The following STAC variants were observed in gnomAD, a reference collection of about 807,000 sequenced individuals.
STAC encodes SH3 and cysteine rich domain.
STAC carries 43 observed loss-of-function variants against 48.8 expected under a neutral mutation model. That is an observed-to-expected ratio of 0.88 (90% confidence interval 0.69 to 1.14). STAC has a LOEUF of 1.14. STAC is among the 50% of genes most tolerant of loss of function. The pLI is 0.00. For synonymous variants in STAC, 193 were observed against 179.5 expected, an observed-to-expected ratio of 1.07 and a Z score of -0.60; for missense variants, 497 against 504.0, an observed-to-expected ratio of 0.99 and a Z score of 0.13.
intron 5 of STAC, 127 bp downstream of exon 5, chr3:36,486,376 T>C (rs1697816966): frequency 1.4e-6 from 1 of 733,148 alleles, no homozygotes; most frequent in Non-Finnish European, 2.2e-6. Flanking sequence ...GTCAGGCACC[T>C]GCCAAAGAGA....
Position 36,504,447 on chromosome 3 carries a change from T to C in STAC, c.821T>C (p.Ile274Thr). ...GATTTCAGAGATCCAGCGAAGAACA[T>C]AAACCACCAGGTATTTATGGATGTC... ...TDDFRDPAKNINHQGSLSKDP... is the reference protein window; with the variant it reads ...TDDFRDPAKNTNHQGSLSKDP... Residue 274 changes from isoleucine to threonine, a missense_variant, in exon 7 of 11, where the codon ATA (isoleucine) becomes ACA (threonine). Physicochemically the swap from Ile to Thr is moderately conservative, Grantham distance 89. Coordinates refer to ENST00000273183, the MANE Select transcript of STAC (RefSeq NM_003149.3). 1.9e-6 allele frequency: 3 copies of C among 1,613,516 alleles called. No individual in the cohort carries two copies. Among genetic ancestry groups the C allele is most frequent in the Middle Eastern group, 1.7e-4 (1 of 6,052 alleles).
intron 4 of STAC, among the ~76,000 whole-genome samples, chr3:36,485,518 G>T (rs1237841587): frequency 6.6e-6 from 1 of 152,202 alleles, no homozygotes; most frequent in African/African-American, 2.4e-5. Context: ...TAGGAGCTCA[G>T]TGAATATATT....
intron 2 of STAC, among the ~76,000 whole-genome samples, chr3:36,446,390 G>C (rs1475699420): frequency 6.6e-6 from 1 of 152,192 alleles, no homozygotes; most frequent in East Asian, 1.9e-4. Flanking sequence ...CTGAGTCTTA[G>C]TCTAAGAGAC....
At chr3:36,494,226 T>G (rs925552371) in intron 6 of STAC, among the ~76,000 whole-genome samples, 4 of 151,880 alleles carry the variant, frequency 2.6e-5, no homozygotes, top group Admixed American at 1.3e-4. Context: ...CAGATCCTTA[T>G]GGATGCATTC....
rs752699876 is a variant in STAC at position 36,485,006 on chromosome 3, C to T, written c.519C>T (p.Ser173=). Residue 173 remains serine (S), a synonymous_variant, in exon 4 of 11, where the codon TCC becomes TCT. Coordinates refer to ENST00000273183, the MANE Select transcript of STAC (RefSeq NM_003149.3). ...LPKGFRRYYS[S]PLLIHEQFGC... is the part of the protein sequence containing the mutation. ...AGGGGTTTCGGCGTTACTACAGCTC[C>T]CCCTTGCTCATTCATGAACAGTTTG... 67 of 1,603,402 alleles carry T rather than the reference C, an allele frequency of 4.2e-5. No homozygotes were observed. Among genetic ancestry groups the T allele is most frequent in the Non-Finnish European group, 4.2e-5 (49 of 1,175,138 alleles).
chr3:36,524,846 G>A (rs753437039), intron 8 of STAC, among the ~76,000 whole-genome samples: 3 of 151,958 alleles, frequency 2.0e-5, no homozygotes, highest in Non-Finnish European at 2.9e-5. Flanking sequence ...TTACTACCTT[G>A]GATTCAAGGG....
chr3:36,540,345 A>C (rs1699294560), intron 10 of STAC, among the ~76,000 whole-genome samples: 1 of 152,138 alleles, frequency 6.6e-6, no homozygotes, highest in South Asian at 2.1e-4. Flanking sequence ...CAACAACAGG[A>C]AACTAATCCA....
intron 2 of STAC, among the ~76,000 whole-genome samples, chr3:36,448,511 G>A (rs573353827): frequency 1.7e-4 from 26 of 152,110 alleles, no homozygotes; most frequent in Non-Finnish European, 2.9e-4. Context: ...ATGAGCCACC[G>A]CACCCAGCCT....
chr3:36,427,144 C>T (rs911164411), intron 1 of STAC, among the ~76,000 whole-genome samples: 5 of 152,128 alleles, frequency 3.3e-5, no homozygotes, highest in Non-Finnish European at 4.4e-5. Context: ...GGGAATTTTG[C>T]AAACAAGAGC....
intron 1 of STAC, among the ~76,000 whole-genome samples, chr3:36,413,279 A>T (rs1700238840): frequency 6.6e-6 from 1 of 152,112 alleles, no homozygotes; most frequent in Admixed American, 6.5e-5. Flanking sequence ...GTGAGGTGTT[A>T]AGTCTCCCAT....
At chr3:36,525,966 C>A (rs1698923324) in intron 8 of STAC, among the ~76,000 whole-genome samples, 1 of 152,172 alleles carries the variant, frequency 6.6e-6, no homozygotes, top group Non-Finnish European at 1.5e-5. Context: ...TGCTCCAATT[C>A]CTAAACATGT....
At chr3:36,430,711 T>G (rs1019157726) in intron 1 of STAC, among the ~76,000 whole-genome samples, 1 of 152,178 alleles carries the variant, frequency 6.6e-6, no homozygotes, top group African/African-American at 2.4e-5. Flanking sequence ...GAAATTTATT[T>G]TCTTGCAGCT....
chr3:36,489,572 GTTTGA>G (rs985124656), intron 5 of STAC, among the ~76,000 whole-genome samples: 6 of 152,048 alleles, frequency 3.9e-5, no homozygotes, highest in African/African-American at 1.4e-4. Flanking sequence ...TCACTTTTTT[GTTTGA>G]TTTTTCTCTC....
chr3:36,490,631 G>A (rs1697943987), intron 5 of STAC, among the ~76,000 whole-genome samples: 1 of 152,088 alleles, frequency 6.6e-6, no homozygotes. Flanking sequence ...CTATCTGCAC[G>A]AGCAGTAGAT....
intron 10 of STAC, among the ~76,000 whole-genome samples, chr3:36,542,741 C>A (rs920944491): frequency 6.6e-6 from 1 of 152,132 alleles, no homozygotes; most frequent in African/African-American, 2.4e-5. Flanking sequence ...GTCCACAGGA[C>A]AATCAGCCAT....
At chr3:36,475,309 C>T (rs11719523) in intron 2 of STAC, among the ~76,000 whole-genome samples, 5 of 151,720 alleles carry the variant, frequency 3.3e-5, no homozygotes, top group African/African-American at 4.8e-5. Flanking sequence ...TTCAAATCAT[C>T]GTGATTTCTT....
intron 2 of STAC, among the ~76,000 whole-genome samples, chr3:36,472,692 C>G (rs902877742): frequency 2.6e-5 from 4 of 152,220 alleles, no homozygotes; most frequent in African/African-American, 9.6e-5. Context: ...TAAAACATAA[C>G]AAAAGTCACC....
chr3:36,494,170 A>G (rs904304585), intron 6 of STAC, among the ~76,000 whole-genome samples: 1 of 151,400 alleles, frequency 6.6e-6, no homozygotes, highest in African/African-American at 2.4e-5. Flanking sequence ...AAAAAAAAAA[A>G]AAAAGAAAGA....
intron 8 of STAC, among the ~76,000 whole-genome samples, chr3:36,511,492 G>T (rs1034602327): frequency 6.6e-5 from 10 of 152,184 alleles, no homozygotes; most frequent in African/African-American, 2.4e-4. Context: ...CCTAGAGCAG[G>T]ATAGAAAAGG....
Sources: gnomAD v4.1 joint callset for allele counts (sites outside exome capture counted in the v4.1 genomes callset) on GRCh38, gnomAD v4.1.1 for gene constraint, MANE v1.5 for transcripts, NCBI Gene and HGNC (gene_info 2026-07-23, HGNC 2026-07-21) for gene names.